Variants in ACADSB observed in about 807,000 individuals in gnomAD.
ACADSB encodes short/branched chain specific acyl-CoA dehydrogenase, mitochondrial.
Under a neutral mutation model 54.1 loss-of-function variants are expected in ACADSB, and 40 were observed. That is an observed-to-expected ratio of 0.74 (90% CI 0.57 to 0.96). The LOEUF (loss-of-function observed/expected upper bound fraction) is 0.96. Among genes scored for constraint, ACADSB ranks in the 40% least tolerant of loss-of-function variants. ACADSB has a pLI of 0.00. For synonymous variants in ACADSB, 182 were observed against 182.8 expected (o/e 1.00, Z 0.03); for missense variants, 530 against 510.4 (o/e 1.04, Z -0.37).
At chr10:123,041,090 A>G in intron 4 of ACADSB, 119 bp from the exon 5 acceptor site, 1 of 1,111,540 alleles carries the variant, frequency 9.0e-7, no homozygotes, top group Non-Finnish European at 1.3e-6. Flanking sequence ...TCATAAATAT[A>G]GGCTTTTTAA....
chr10:123,021,790 G>T (rs1479527505), intron 1 of ACADSB, among the ~76,000 whole-genome samples: 1 of 152,154 alleles, frequency 6.6e-6, no homozygotes, highest in Admixed American at 6.5e-5. Flanking sequence ...TGGAAGACAA[G>T]AATAGATTTT....
intron 1 of ACADSB, among the ~76,000 whole-genome samples, chr10:123,016,881 C>T (rs758869167): frequency 1.6e-4 from 25 of 152,084 alleles, no homozygotes; most frequent in Admixed American, 1.0e-3. Context: ...AGAGCAGAAG[C>T]GGTGTGTTTT....
chr10:123,011,243 C>T (rs149187497), intron 1 of ACADSB, among the ~76,000 whole-genome samples: 27 of 152,182 alleles, frequency 1.8e-4, no homozygotes, highest in Non-Finnish European at 2.9e-4. Flanking sequence ...GCATTTTACA[C>T]CCACTACCCT....
At chr10:123,039,346 G>A (rs1850441876) in intron 3 of ACADSB, among the ~76,000 whole-genome samples, 1 of 152,188 alleles carries the variant, frequency 6.6e-6, no homozygotes, top group South Asian at 2.1e-4. Flanking sequence ...CTGCAGCATA[G>A]TGTGACTCCA....
intron 1 of ACADSB, among the ~76,000 whole-genome samples, chr10:123,031,332 C>T (rs959624145): frequency 4.6e-5 from 7 of 152,204 alleles, no homozygotes; most frequent in Non-Finnish European, 1.0e-4. Context: ...CTAAGTGCAA[C>T]AGAACTCTGG....
rs769219916 is a variant in ACADSB, at chr10:123,037,820, A to G, written c.276A>G (p.Ser92=). 14 of 1,606,790 alleles carry G rather than the reference A, an allele frequency of 8.7e-6. No homozygotes were observed. The highest frequency in any genetic ancestry group is 4.0e-5 in the African/African-American group (3 of 74,728). ...TMDENSKMEK[S]VIQGLFQQGL... is the part of the protein sequence containing the mutation. ...ATGAAAATTCGAAAATGGAGAAATC[A>G]GTAATACAAGGATTATTTCAACAAG... The change falls in exon 3 of 11, where the codon TCA becomes TCG. Residue 92 remains serine, a synonymous_variant. Transcript: ENST00000358776.
intron 1 of ACADSB, among the ~76,000 whole-genome samples, chr10:123,020,499 A>T (rs1428447187): frequency 2.0e-5 from 3 of 152,224 alleles, no homozygotes; most frequent in Non-Finnish European, 4.4e-5. Context: ...ACTGAAGGAC[A>T]TCTGGATTGT....
At position 123,056,013 on chromosome 10, in the gene ACADSB, A is replaced by G. The variant is rs1241444657; in HGVS notation, c.*2248A>G. On this transcript the variant is annotated 3_prime_UTR_variant, in exon 11 of 11. Transcript: ENST00000358776. ...CAATATTGCTATCAGCATTTTGGGCAAAGCCATTCAGCAAGTATCTAGGAA... is the reference window on the plus strand; with the variant it reads ...CAATATTGCTATCAGCATTTTGGGCGAAGCCATTCAGCAAGTATCTAGGAA... The G allele has an allele frequency of 6.6e-6, 1 of 152,540 alleles. No individual in the cohort carries two copies. Among genetic ancestry groups the G allele is most frequent in the Non-Finnish European group, 1.5e-5 (1 of 68,290 alleles). 9.4% of individuals were successfully genotyped at this position (152,540 alleles called of 1,614,324 possible).
Position 123,034,532 on chromosome 10 carries a change from G to T in ACADSB, c.202+17G>T, listed in dbSNP as rs1324030257. ...AGAGTTCAGGTAAGTAAATTTATCA[G>T]TGTCACCTTTTTCTCCCCAGACAGG... On this transcript the variant is annotated intron_variant, in intron 2 of 10. Coordinates refer to ENST00000358776, the MANE Select transcript of ACADSB (RefSeq NM_001609.4). The T allele has an allele frequency of 3.1e-6, 5 of 1,601,678 alleles. No individual in the cohort carries two copies. The highest frequency in any genetic ancestry group is 1.1e-5 in the South Asian group (1 of 91,010).
intron 1 of ACADSB, among the ~76,000 whole-genome samples, chr10:123,010,413 G>T (rs1404232922): frequency 9.2e-5 from 14 of 152,154 alleles, no homozygotes; most frequent in Admixed American, 7.9e-4. Context: ...TTGAACTTTT[G>T]GTTTATTGTG....
chr10:123,014,311 A>G (rs1433046765), intron 1 of ACADSB, among the ~76,000 whole-genome samples: 1 of 151,716 alleles, frequency 6.6e-6, no homozygotes, highest in Non-Finnish European at 1.5e-5. Context: ...ATCAGTAAAC[A>G]TTAGCTATTT....
At chr10:123,009,356 A>T (rs111352194) in intron 1 of ACADSB, among the ~76,000 whole-genome samples, 292 of 152,278 alleles carry the variant, frequency 1.9e-3, no homozygotes, top group Middle Eastern at 3.4e-3. Flanking sequence ...TGTCCTTTGC[A>T]GGCCGTTGCG....
chr10:123,031,585 G>A (rs1484492273), intron 1 of ACADSB, among the ~76,000 whole-genome samples: 1 of 152,180 alleles, frequency 6.6e-6, no homozygotes, highest in East Asian at 1.9e-4. Context: ...AGGCTGTGCA[G>A]TCAAAGGCCA....
chr10:123,014,013 G>A (rs994572499), intron 1 of ACADSB, among the ~76,000 whole-genome samples: 1 of 152,236 alleles, frequency 6.6e-6, no homozygotes, highest in African/African-American at 2.4e-5. Flanking sequence ...AGGCCGAGGA[G>A]GCGAGGCACC....
chr10:123,043,289 G>C, intron 6 of ACADSB, 118 bp downstream of exon 6: 1 of 1,309,528 alleles, frequency 7.6e-7, no homozygotes, highest in Non-Finnish European at 1.1e-6. Context: ...ACGCAGGAGA[G>C]TATTTTGTAA....
intron 3 of ACADSB, among the ~76,000 whole-genome samples, chr10:123,038,411 A>G (rs1167168620): frequency 6.6e-6 from 1 of 152,224 alleles, no homozygotes; most frequent in African/African-American, 2.4e-5. Flanking sequence ...ACAGATTCCC[A>G]TCTTCTCAAG....
chr10:123,021,376 T>C (rs1332376201), intron 1 of ACADSB, among the ~76,000 whole-genome samples: 2 of 152,206 alleles, frequency 1.3e-5, no homozygotes, highest in African/African-American at 4.8e-5. Context: ...AAAAATCAAA[T>C]AATACCCTTT....
At chr10:123,042,118 A>G (rs1285855028) in intron 5 of ACADSB, among the ~76,000 whole-genome samples, 1 of 151,868 alleles carries the variant, frequency 6.6e-6, no homozygotes, top group Non-Finnish European at 1.5e-5. Flanking sequence ...GGTGTGCACC[A>G]CCACGCACAG....
rs979877704 is a variant in ACADSB at position 123,034,282 on chromosome 10, A to G, written c.43-74A>G. 2.0e-6 allele frequency: 3 copies of G among 1,483,696 alleles called. No homozygotes were observed. The African/African-American group carries it at 4.2e-5, about 21-fold the overall frequency. The allele number at this position is 1,483,696 out of a possible 1,614,324, so 91.9% of individuals were successfully genotyped here. A position where few individuals can be genotyped will look rare whatever the true frequency, so the allele number is the denominator to read the frequency against. ...TTATTTTGGTGACATGAAATATAAG[A>G]ATGGGTTATAAAGTCATTCCCAAAG... On this transcript the variant is annotated intron_variant, in intron 1 of 10. Transcript: ENST00000358776.
Sources: gnomAD v4.1 joint callset for allele counts (sites outside exome capture counted in the v4.1 genomes callset) on GRCh38, gnomAD v4.1.1 for gene constraint, MANE v1.5 for transcripts, NCBI Gene and HGNC (gene_info 2026-07-23, HGNC 2026-07-21) for gene names.